GDA: variants seen among roughly 807,000 people sequenced by gnomAD.
GDA encodes cytoplasmic PSD-95 interactor.
In GDA, 18 loss-of-function variants were observed where a neutral mutation model predicts 59.6. The observed-to-expected ratio is 0.30, with a 90% CI of 0.21 to 0.45. The LOEUF is 0.45. Ranked by LOEUF, GDA falls within the 20% of genes least tolerant of loss-of-function variation. The pLI is 1.00. For synonymous variants in GDA, 201 were observed against 201.1 expected, an observed-to-expected ratio of 1.00 and a Z score of 0.00; for missense variants, 427 against 552.3, an observed-to-expected ratio of 0.77 and a Z score of 2.27.
chr9:72,211,430 G>GT (rs1198990910), intron 4 of GDA, among the ~76,000 whole-genome samples: 1 of 152,224 alleles, frequency 6.6e-6, no homozygotes, highest in African/African-American at 2.4e-5. Flanking sequence ...TGCACAGCTA[G>GT]TAAGAAGAGC....
downstream of GDA, among the ~76,000 whole-genome samples, chr9:72,254,878 C>A (rs1564233260): frequency 6.6e-6 from 1 of 152,102 alleles, no homozygotes; most frequent in Non-Finnish European, 1.5e-5. Flanking sequence ...TGTTTTTCTT[C>A]CACAAAAGTT....
chr9:72,122,551 T>C (rs1036596788), intron 1 of GDA, among the ~76,000 whole-genome samples: 2 of 152,136 alleles, frequency 1.3e-5, no homozygotes, highest in Non-Finnish European at 2.9e-5. Context: ...TGGAACACAC[T>C]ATGTACACAA....
At chr9:72,196,892 A>G (rs1338067250) in intron 2 of GDA, among the ~76,000 whole-genome samples, 1 of 152,166 alleles carries the variant, frequency 6.6e-6, no homozygotes, top group African/African-American at 2.4e-5. Context: ...GGCTTCTGGC[A>G]TCATCTATGT....
At chr9:72,116,245 T>A (rs887896868) in intron 1 of GDA, among the ~76,000 whole-genome samples, 12 of 146,206 alleles carry the variant, frequency 8.2e-5, no homozygotes, top group South Asian at 2.2e-4. Flanking sequence ...AAAAAAAAAA[T>A]TTATGAAATA....
At chr9:72,153,689 A>G (rs1191471592) in intron 1 of GDA, among the ~76,000 whole-genome samples, 1 of 151,380 alleles carries the variant, frequency 6.6e-6, no homozygotes, top group Non-Finnish European at 1.5e-5. Flanking sequence ...AGGGACATGG[A>G]TGAAATTGGA....
Position 72,225,664 on chromosome 9 carries a change from T to C in GDA, c.715-13T>C. On this transcript the variant is annotated splice_polypyrimidine_tract_variant and intron_variant, in intron 7 of 13. Transcript: ENST00000358399. The stretch of plus-strand genomic sequence containing the variant: ...TACAGAAGAAAAATGAAAATATTAT[T>C]TTTTTCTTGTAGAGCCATATAAGTG... 1 of 1,195,296 alleles carries C rather than the reference T, an allele frequency of 8.4e-7. No homozygotes were observed. The highest frequency in any genetic ancestry group is 1.2e-6 in the Non-Finnish European group (1 of 823,836). 74.0% of individuals were successfully genotyped at this position (1,195,296 alleles called of 1,614,324 possible).
intron 1 of GDA, among the ~76,000 whole-genome samples, chr9:72,126,566 C>CTTT (rs72370881): frequency 0.16 from 20,751 of 133,318 alleles, 2,045 homozygotes; most frequent in East Asian, 0.48. Context: ...CCTGGTTAGT[C>CTTT]TTTTTTTTTT....
At chr9:72,183,695 G>A (rs1474425657) in intron 1 of GDA, among the ~76,000 whole-genome samples, 3 of 152,180 alleles carry the variant, frequency 2.0e-5, no homozygotes, top group Non-Finnish European at 4.4e-5. Flanking sequence ...AATGGGGCTA[G>A]TAATAGTGCC....
chr9:72,248,067 A>G (rs1225374058), intron 13 of GDA, among the ~76,000 whole-genome samples: 1 of 152,200 alleles, frequency 6.6e-6, no homozygotes, highest in Non-Finnish European at 1.5e-5. Context: ...TGCAGAATTC[A>G]GACCCTAATC....
chr9:72,177,528 C>T (rs1356077546), intron 1 of GDA, among the ~76,000 whole-genome samples: 2 of 151,814 alleles, frequency 1.3e-5, no homozygotes, highest in South Asian at 4.1e-4. Context: ...TTACATATTA[C>T]ATTAAAGATA....
In GDA at chr9:72,250,531, A is replaced by T; in HGVS notation, c.*2189A>T. The T allele has an allele frequency of 7.0e-7, 1 of 1,421,726 alleles. No homozygotes were observed. The allele number at this position is 1,421,726 out of a possible 1,614,324, so 88.1% of individuals were successfully genotyped here. ...GTACTTTGATCTCTCCACATCACTT[A>T]TAACTTATGTGTTTTATTTCTCCAA... is the stretch of plus-strand genomic sequence containing the variant. On this transcript the variant is annotated 3_prime_UTR_variant, in exon 14 of 14. Transcript: ENST00000358399.
At chr9:72,190,837 A>C (rs1383642062) in intron 1 of GDA, among the ~76,000 whole-genome samples, 1 of 152,092 alleles carries the variant, frequency 6.6e-6, no homozygotes, top group Non-Finnish European at 1.5e-5. Context: ...AAATTGTATT[A>C]CACGTTTTGA....
rs550560400 is a variant in GDA, at chr9:72,195,631, G to T, written c.212+43G>T. ...CCCTTTTACTGGGTGCCACTAATAAGCTTAAATTATAGAAAACCTGCCTTG... is the reference window on the plus strand; with the variant it reads ...CCCTTTTACTGGGTGCCACTAATAATCTTAAATTATAGAAAACCTGCCTTG... On this transcript the variant is annotated intron_variant, in intron 2 of 13. Transcript: ENST00000358399. 1.3e-5 allele frequency: 10 copies of T among 795,824 alleles called. No homozygotes were observed. In the African/African-American group the frequency reaches 1.7e-4, roughly 14 times the overall value. 49.3% of individuals were successfully genotyped at this position (795,824 alleles called of 1,614,324 possible).
At chr9:72,208,546 C>A (rs1208057273) in intron 3 of GDA, among the ~76,000 whole-genome samples, 1 of 152,342 alleles carries the variant, frequency 6.6e-6, no homozygotes, top group South Asian at 2.1e-4. Flanking sequence ...CTACTGTAAT[C>A]TTGGCATTCT....
At chr9:72,203,327 G>T (rs1011039864) in intron 3 of GDA, among the ~76,000 whole-genome samples, 1 of 152,166 alleles carries the variant, frequency 6.6e-6, no homozygotes, top group Non-Finnish European at 1.5e-5. Context: ...GTTATTCTGG[G>T]AGCTTTGCAA....
chr9:72,188,111 A>G (rs1027673343), intron 1 of GDA, among the ~76,000 whole-genome samples: 4 of 152,248 alleles, frequency 2.6e-5, no homozygotes, highest in Non-Finnish European at 5.9e-5. Flanking sequence ...AAAGGAAGCT[A>G]TGTGAAAAGA....
At chr9:72,133,382 T>C (rs1420870210) in intron 1 of GDA, among the ~76,000 whole-genome samples, 2 of 151,616 alleles carry the variant, frequency 1.3e-5, no homozygotes, top group African/African-American at 4.8e-5. Flanking sequence ...ACTTAATCTA[T>C]ATTATCTATT....
chr9:72,229,564 C>G (rs904224249), intron 9 of GDA, among the ~76,000 whole-genome samples: 4 of 152,092 alleles, frequency 2.6e-5, no homozygotes, highest in African/African-American at 9.7e-5. Flanking sequence ...CTGGCTGTGA[C>G]AGTAATACCC....
Position 72,244,465 on chromosome 9 carries a change from TAGA to T in GDA, c.1136-679_1136-677del, listed in dbSNP as rs1000107390. Among the ~76,000 whole-genome samples, 66 of 152,314 alleles carry T rather than the reference TAGA, an allele frequency of 4.3e-4. 1 individual carries two copies. The highest frequency in any genetic ancestry group is 6.8e-3 in the Middle Eastern group (2 of 294). ...GATATTATTGGCCTGTGCTCTATTT[TAGA>T]AGACCATTCTTCTCTGGTGACCAGA... On this transcript the variant is annotated intron_variant, in intron 11 of 13. Transcript: ENST00000358399.
Sources: gnomAD v4.1 joint callset for allele counts (sites outside exome capture counted in the v4.1 genomes callset) on GRCh38, gnomAD v4.1.1 for gene constraint, MANE v1.5 for transcripts, NCBI Gene and HGNC (gene_info 2026-07-23, HGNC 2026-07-21) for gene names.